The following ATRN variants were observed in gnomAD, a reference collection of about 807,000 sequenced individuals.
The protein encoded by ATRN is attractin.
In ATRN, 54 loss-of-function variants were observed where a neutral mutation model predicts 178.7. The observed-to-expected ratio is 0.30, with a 90% CI of 0.24 to 0.38. The LOEUF is 0.38. Ranked by LOEUF, ATRN falls within the 10% of genes least tolerant of loss-of-function variation. The pLI, the probability that ATRN is intolerant of heterozygous loss-of-function variation, is 1.00. For synonymous variants in ATRN, 636 were observed against 663.0 expected, an observed-to-expected ratio of 0.96 and a Z score of 0.63; for missense variants, 1,443 against 1,815.1, an observed-to-expected ratio of 0.79 and a Z score of 3.73.
intron 1 of ATRN, among the ~76,000 whole-genome samples, chr20:3,496,907 A>G (rs968793448): frequency 3.9e-4 from 58 of 150,336 alleles, no homozygotes; most frequent in African/African-American, 1.4e-3. Flanking sequence ...TCCCTTTACC[A>G]TTATGTAATG....
intron 1 of ATRN, among the ~76,000 whole-genome samples, chr20:3,525,989 A>G (rs1340506018): frequency 6.6e-6 from 1 of 152,212 alleles, no homozygotes; most frequent in Admixed American, 6.5e-5. Context: ...GAAAACTGGC[A>G]CAAGACAAGG....
At chr20:3,584,933 A>G in intron 18 of ATRN, 53 bp downstream of exon 18, 1 of 1,540,610 alleles carries the variant, frequency 6.5e-7, no homozygotes. Context: ...ATTTATGAAG[A>G]ATAAAACCTT....
chr20:3,649,827 A>G lies in ATRN; in HGVS notation c.*2980A>G, dbSNP rs1276242330. 1 of 152,210 alleles carries G rather than the reference A, an allele frequency of 6.6e-6. No individual in the cohort carries two copies. Among genetic ancestry groups the G allele is most frequent in the Non-Finnish European group, 1.5e-5 (1 of 68,036 alleles). 9.4% of individuals were successfully genotyped at this position (152,210 alleles called of 1,614,324 possible). ...TTTTGTAGTTTTGTCTAAATTTTTA[A>G]TGACCATTTCCTGGAATCAGTTTAT... On this transcript the variant is annotated 3_prime_UTR_variant, in exon 29 of 29. Coordinates refer to ENST00000262919, the MANE Select transcript of ATRN (RefSeq NM_139321.3).
At chr20:3,535,376 A>G (rs2085514620) in intron 2 of ATRN, 40 bp downstream of exon 2, 4 of 1,187,928 alleles carry the variant, frequency 3.4e-6, no homozygotes, top group Admixed American at 2.3e-5. Context: ...TTTTTTTAGC[A>G]TAGAAGTCAG....
chr20:3,522,924 G>A (rs997292305), intron 1 of ATRN, among the ~76,000 whole-genome samples: 3 of 151,972 alleles, frequency 2.0e-5, no homozygotes, highest in African/African-American at 7.2e-5. Flanking sequence ...CAACATCAAA[G>A]ACCAAAGGTA....
At chr20:3,637,585 T>A (rs993616878) in intron 26 of ATRN, among the ~76,000 whole-genome samples, 1 of 152,224 alleles carries the variant, frequency 6.6e-6, no homozygotes, top group Non-Finnish European at 1.5e-5. Context: ...TAAGGCCTAC[T>A]TGTATCCCAA....
chr20:3,498,630 C>T (rs867364767), intron 1 of ATRN, among the ~76,000 whole-genome samples: 10 of 152,268 alleles, frequency 6.6e-5, no homozygotes, highest in Middle Eastern at 3.4e-3. Flanking sequence ...CAAAATTCAA[C>T]AGCTCTTCAT....
chr20:3,649,883 G>A lies in ATRN; in HGVS notation c.*3036G>A, dbSNP rs141928832. 2 of 152,316 alleles carry A rather than the reference G, an allele frequency of 1.3e-5. No homozygotes were observed. The highest frequency in any genetic ancestry group is 4.8e-5 in the African/African-American group (2 of 41,556). 9.4% of individuals were successfully genotyped at this position (152,316 alleles called of 1,614,324 possible). A position where few individuals can be genotyped will look rare whatever the true frequency, so the allele number is the denominator to read the frequency against. ...TGAAAACTGGGGGTGGGAGTAGGGA[G>A]CTAGTTTGTTGATAAATAGTTCCCA... is the stretch of plus-strand genomic sequence containing the variant. On this transcript the variant is annotated 3_prime_UTR_variant, in exon 29 of 29. Coordinates refer to ENST00000262919, the MANE Select transcript of ATRN (RefSeq NM_139321.3).
chr20:3,498,132 G>A (rs1194090008), intron 1 of ATRN, among the ~76,000 whole-genome samples: 1 of 152,100 alleles, frequency 6.6e-6, no homozygotes, highest in Admixed American at 6.6e-5. Context: ...ACTAAACCAG[G>A]AAGAAGTTGA....
At chr20:3,566,347 T>C (rs1236248802) in intron 11 of ATRN, among the ~76,000 whole-genome samples, 1 of 152,132 alleles carries the variant, frequency 6.6e-6, no homozygotes, top group Non-Finnish European at 1.5e-5. Flanking sequence ...ATAAGGGAGA[T>C]TCAGAGTGGC....
chr20:3,601,745 T>G (rs1322798227), intron 23 of ATRN, among the ~76,000 whole-genome samples: 1 of 146,120 alleles, frequency 6.8e-6, no homozygotes, highest in Non-Finnish European at 1.5e-5. Flanking sequence ...ATACCTGTAA[T>G]GCCAACTACT....
At chr20:3,483,046 T>G (rs147280034) in intron 1 of ATRN, among the ~76,000 whole-genome samples, 106 of 152,350 alleles carry the variant, frequency 7.0e-4, no homozygotes, top group African/African-American at 2.4e-3. Context: ...CTCTTCACCG[T>G]ACCCTTTCCC....
At chr20:3,492,273 G>C (rs996434538) in intron 1 of ATRN, among the ~76,000 whole-genome samples, 12 of 151,874 alleles carry the variant, frequency 7.9e-5, no homozygotes, top group African/African-American at 2.7e-4. Flanking sequence ...AGTGGGCACT[G>C]AGTGTCTGGG....
chr20:3,490,565 C>G (rs1476893020), intron 1 of ATRN: 3 of 1,065,678 alleles, frequency 2.8e-6, no homozygotes, highest in Non-Finnish European at 4.4e-6. Flanking sequence ...GATGCCTTCA[C>G]GTTAATGTAC....
At chr20:3,522,008 T>C (rs2085303281) in intron 1 of ATRN, among the ~76,000 whole-genome samples, 2 of 152,128 alleles carry the variant, frequency 1.3e-5, no homozygotes, top group Admixed American at 1.3e-4. Flanking sequence ...TAGGCTGGTC[T>C]TAAATTCCTG....
At chr20:3,646,665 T>G in intron 28 of ATRN, 58 bp from the exon 29 acceptor site, 2 of 1,485,906 alleles carry the variant, frequency 1.3e-6, no homozygotes, top group Non-Finnish European at 1.8e-6. Flanking sequence ...AATTATTTTT[T>G]AAAACAAAAT....
At position 3,547,398 on chromosome 20, in the gene ATRN, T is replaced by G; in HGVS notation, c.852T>G (p.Ile284Met). The G allele has an allele frequency of 6.2e-7, 1 of 1,613,908 alleles. No individual in the cohort carries two copies. The highest frequency in any genetic ancestry group is 8.5e-7 in the Non-Finnish European group (1 of 1,179,766). The change falls in exon 5 of 29, where the codon ATT (isoleucine) becomes ATG (methionine). Residue 284 changes from isoleucine to methionine, a missense_variant. By Grantham distance (10) the Ile-to-Met change is conservative. This residue lies in a region of ATRN where 862 missense variants were observed against 972.1 expected (regional missense o/e 0.89). Coordinates refer to ENST00000262919, the MANE Select transcript of ATRN (RefSeq NM_139321.3). ...ACTGGAAAGGTGAAGCATGTGACATTCCTCACTGTACAGACAACTGTGGTT... is the reference window on the plus strand; with the variant it reads ...ACTGGAAAGGTGAAGCATGTGACATGCCTCACTGTACAGACAACTGTGGTT... ...SENWKGEACD[I>M]PHCTDNCGFP... is the part of the protein sequence containing the mutation.
At chr20:3,593,971 G>A (rs1948492282) in intron 19 of ATRN, among the ~76,000 whole-genome samples, 1 of 152,142 alleles carries the variant, frequency 6.6e-6, no homozygotes, top group Non-Finnish European at 1.5e-5. Flanking sequence ...GGCCCCTAAA[G>A]CGCTGACCTT....
intron 12 of ATRN, 85 bp downstream of exon 12, chr20:3,573,036 C>T: frequency 8.3e-7 from 1 of 1,207,098 alleles, no homozygotes; most frequent in African/African-American, 1.5e-5. Context: ...CATATGTATA[C>T]TTTTTATGTT....
Sources: gnomAD v4.1 joint callset for allele counts (sites outside exome capture counted in the v4.1 genomes callset) on GRCh38, gnomAD v4.1.1 for gene constraint, gnomAD v4.1.1 regional missense constraint, MANE v1.5 for transcripts, NCBI Gene and HGNC (gene_info 2026-07-23, HGNC 2026-07-21) for gene names.